STAMBPL1: variants seen among roughly 807,000 people sequenced by gnomAD.
The protein encoded by STAMBPL1 is AMSH-like protease.
In STAMBPL1, 44 loss-of-function variants were observed where a neutral mutation model predicts 52.9. That is an observed-to-expected ratio of 0.83 (90% CI 0.65 to 1.07). The LOEUF is 1.07. STAMBPL1 is among the 50% of genes least tolerant of loss of function. The probability of loss-of-function intolerance (pLI) is 0.00; values close to 1 mark genes in which losing one functional copy is unlikely to be tolerated. For synonymous variants in STAMBPL1, 164 were observed against 177.3 expected (o/e 0.92, Z 0.60); for missense variants, 511 against 520.8 (o/e 0.98, Z 0.18).
chr10:88,896,205 G>C (rs1374414142), intron 1 of STAMBPL1, among the ~76,000 whole-genome samples: 2 of 152,116 alleles, frequency 1.3e-5, no homozygotes, highest in Non-Finnish European at 2.9e-5. Context: ...GCATATTTCT[G>C]ATTGCAGATA....
chr10:88,888,836 TTGTC>T (rs1254303058), intron 1 of STAMBPL1, among the ~76,000 whole-genome samples: 1 of 152,188 alleles, frequency 6.6e-6, no homozygotes, highest in Non-Finnish European at 1.5e-5. Context: ...AAAGTATAAT[TTGTC>T]TGATTACATA....
chr10:88,916,638 TTC>T, intron 7 of STAMBPL1, 40 bp from the exon 8 acceptor site: 1 of 1,555,492 alleles, frequency 6.4e-7, no homozygotes, highest in South Asian at 1.2e-5. Context: ...TTTTTTTTTT[TTC>T]TGTGAGATGC....
chr10:88,886,538 G>A (rs766887834), intron 1 of STAMBPL1, among the ~76,000 whole-genome samples: 10 of 151,320 alleles, frequency 6.6e-5, no homozygotes, highest in African/African-American at 1.2e-4. Flanking sequence ...TTTTTTAAAC[G>A]GCTGCAATGC....
At chr10:88,909,106 T>A (rs1404908058) in intron 4 of STAMBPL1, among the ~76,000 whole-genome samples, 1 of 152,232 alleles carries the variant, frequency 6.6e-6, no homozygotes, top group Non-Finnish European at 1.5e-5. Context: ...TTTTGGCTGC[T>A]TTTGATTATT....
intron 2 of STAMBPL1, among the ~76,000 whole-genome samples, chr10:88,904,634 A>G (rs543338437): frequency 2.0e-5 from 3 of 147,148 alleles, no homozygotes; most frequent in Admixed American, 1.4e-4. Flanking sequence ...CTTAACAGAG[A>G]AAATTTCCTT....
At chr10:88,920,240 G>T (rs1320227280) in intron 8 of STAMBPL1, among the ~76,000 whole-genome samples, 1 of 152,160 alleles carries the variant, frequency 6.6e-6, no homozygotes, top group African/African-American at 2.4e-5. Flanking sequence ...GTGCCTTTTA[G>T]TTAATAAATA....
intron 3 of STAMBPL1, among the ~76,000 whole-genome samples, chr10:88,906,920 A>G (rs1057227095): frequency 6.6e-5 from 10 of 152,182 alleles, no homozygotes; most frequent in Non-Finnish European, 1.2e-4. Flanking sequence ...TAATTATGCA[A>G]TACATTGTTA....
chr10:88,909,670 C>T (rs759668494), intron 4 of STAMBPL1, among the ~76,000 whole-genome samples: 3 of 152,066 alleles, frequency 2.0e-5, no homozygotes, highest in Non-Finnish European at 4.4e-5. Context: ...GGCGCAATCT[C>T]GGCTCACTGC....
intron 2 of STAMBPL1, among the ~76,000 whole-genome samples, chr10:88,903,509 G>A (rs12245122): frequency 6.6e-6 from 1 of 152,128 alleles, no homozygotes; most frequent in East Asian, 1.9e-4. Flanking sequence ...AACTCAGTGT[G>A]GACTAAGTAG....
chr10:88,914,996 G>A (rs1589376723), intron 7 of STAMBPL1, among the ~76,000 whole-genome samples: 1 of 152,034 alleles, frequency 6.6e-6, no homozygotes, highest in South Asian at 2.1e-4. Context: ...CATTGTAATT[G>A]TTAGTTTCAC....
intron 1 of STAMBPL1, chr10:88,882,317 C>A (rs1844426234): frequency 6.6e-6 from 1 of 152,178 alleles, no homozygotes; most frequent in Admixed American, 6.5e-5. Context: ...GAGAGATTTG[C>A]TTCTGGAGGA....
intron 1 of STAMBPL1, among the ~76,000 whole-genome samples, chr10:88,887,209 A>G (rs573532406): frequency 6.6e-6 from 1 of 152,324 alleles, no homozygotes; most frequent in African/African-American, 2.4e-5. Flanking sequence ...GAAACTGCTT[A>G]CTTAATCTAT....
intron 4 of STAMBPL1, among the ~76,000 whole-genome samples, chr10:88,910,330 A>G (rs550506343): frequency 2.7e-4 from 41 of 152,142 alleles, no homozygotes; most frequent in Admixed American, 1.1e-3. Context: ...GTTGGACTAT[A>G]TAAGAATTCC....
chr10:88,914,220 G>A (rs1160869060), intron 6 of STAMBPL1, among the ~76,000 whole-genome samples: 1 of 152,102 alleles, frequency 6.6e-6, no homozygotes, highest in African/African-American at 2.4e-5. Flanking sequence ...ATTCTATGCA[G>A]CCTATGCATT....
intron 1 of STAMBPL1, among the ~76,000 whole-genome samples, chr10:88,897,539 T>C (rs921685580): frequency 6.6e-6 from 1 of 152,078 alleles, no homozygotes; most frequent in Non-Finnish European, 1.5e-5. Flanking sequence ...GTTCAGATGA[T>C]CAGATGTTAT....
intron 10 of STAMBPL1, 41 bp downstream of exon 10, chr10:88,922,477 T>A (rs1372295142): frequency 5.1e-6 from 8 of 1,568,116 alleles, no homozygotes; most frequent in Non-Finnish European, 7.0e-6. Flanking sequence ...GTATTTCTTG[T>A]TCACTGCCCC....
At position 88,913,352 on chromosome 10, in the gene STAMBPL1, T is replaced by A; in HGVS notation, c.672T>A (p.Asn224Lys). The A allele has an allele frequency of 6.2e-7, 1 of 1,613,934 alleles. No homozygotes were observed. Among genetic ancestry groups the A allele is most frequent in the Non-Finnish European group, 8.5e-7 (1 of 1,179,854 alleles). ...CACACCAGAACAATTCCTTGCTGAATGTATTTGCAGATCAACCTAATAAAA... is the reference window on the plus strand; with the variant it reads ...CACACCAGAACAATTCCTTGCTGAAAGTATTTGCAGATCAACCTAATAAAA... ...FSTHQNNSLL[N>K]VFADQPNKSD... The change falls in exon 6 of 11, where the codon AAT becomes AAA. Residue 224 changes from asparagine (N) to lysine (K), a missense_variant. Coordinates refer to ENST00000371926, the MANE Select transcript of STAMBPL1 (RefSeq NM_020799.4).
At chr10:88,918,941 T>G (rs1158289052) in intron 8 of STAMBPL1, among the ~76,000 whole-genome samples, 2 of 152,194 alleles carry the variant, frequency 1.3e-5, no homozygotes, top group Admixed American at 1.3e-4. Flanking sequence ...TTTTAGGACT[T>G]TTTGTTAAAC....
chr10:88,922,269 C>T, intron 9 of STAMBPL1, 68 bp from the exon 10 acceptor site: 1 of 1,429,348 alleles, frequency 7.0e-7, no homozygotes, highest in Non-Finnish European at 9.8e-7. Context: ...GTGTGCTGTT[C>T]AAATAAAGCA....
Sources: gnomAD v4.1 joint callset for allele counts (sites outside exome capture counted in the v4.1 genomes callset) on GRCh38, gnomAD v4.1.1 for gene constraint, MANE v1.5 for transcripts, NCBI Gene and HGNC (gene_info 2026-07-23, HGNC 2026-07-21) for gene names.